The following EXOC4 variants were observed in gnomAD, a reference collection of about 807,000 sequenced individuals.
EXOC4 encodes SEC8-like 1.
EXOC4 carries 71 observed loss-of-function variants against 107.2 expected under a neutral mutation model. That is an observed-to-expected ratio of 0.66 (90% CI 0.55 to 0.81). EXOC4 has a LOEUF of 0.81. Among genes scored for constraint, EXOC4 ranks in the 30% least tolerant of loss-of-function variants. The pLI, the probability that EXOC4 is intolerant of heterozygous loss-of-function variation, is 0.00. For missense variants in EXOC4, 1,108 were observed against 1,189.6 expected, an observed-to-expected ratio of 0.93 and a Z score of 1.01; for synonymous variants, 456 against 441.2, an observed-to-expected ratio of 1.03 and a Z score of -0.42.
At chr7:133,483,591 T>C (rs928208836) in intron 9 of EXOC4, among the ~76,000 whole-genome samples, 10 of 152,200 alleles carry the variant, frequency 6.6e-5, no homozygotes, top group Admixed American at 6.5e-5. Flanking sequence ...GGAATATTTC[T>C]GGTTACAACA....
intron 10 of EXOC4, among the ~76,000 whole-genome samples, chr7:133,663,670 T>A (rs1793748420): frequency 6.6e-6 from 1 of 152,126 alleles, no homozygotes. Flanking sequence ...CCCATCAGCA[T>A]GTCCTGTTGG....
At chr7:133,793,349 A>G (rs148089529) in intron 10 of EXOC4, among the ~76,000 whole-genome samples, 6 of 152,106 alleles carry the variant, frequency 3.9e-5, no homozygotes, top group South Asian at 2.1e-4. Flanking sequence ...TGGACTGTGG[A>G]CTAACACTTG....
chr7:133,483,206 T>G (rs1037503459), intron 9 of EXOC4, among the ~76,000 whole-genome samples: 1 of 152,122 alleles, frequency 6.6e-6, no homozygotes, highest in Non-Finnish European at 1.5e-5. Flanking sequence ...ATGAGGACAG[T>G]TAGGATCTAA....
intron 9 of EXOC4, among the ~76,000 whole-genome samples, chr7:133,520,397 C>T (rs1298544306): frequency 6.6e-6 from 1 of 151,966 alleles, no homozygotes; most frequent in Non-Finnish European, 1.5e-5. Flanking sequence ...TTGTAAATGT[C>T]TGAGTATGAA....
chr7:133,652,726 C>T (rs1016084458), intron 10 of EXOC4, among the ~76,000 whole-genome samples: 4 of 152,156 alleles, frequency 2.6e-5, no homozygotes, highest in African/African-American at 7.2e-5. Flanking sequence ...TTTCCGCCTC[C>T]GAGCAAGCAG....
chr7:133,516,508 G>A (rs1035369765), intron 9 of EXOC4, among the ~76,000 whole-genome samples: 8 of 152,080 alleles, frequency 5.3e-5, no homozygotes, highest in Admixed American at 2.0e-4. Context: ...GCATGTTGTA[G>A]CATTGGTCTC....
intron 14 of EXOC4, among the ~76,000 whole-genome samples, chr7:133,961,637 G>A (rs1800948125): frequency 6.6e-6 from 1 of 152,170 alleles, no homozygotes; most frequent in Admixed American, 6.5e-5. Flanking sequence ...ATAAATGGAT[G>A]TTGTTTTAAG....
intron 7 of EXOC4, among the ~76,000 whole-genome samples, chr7:133,380,887 T>A (rs764834115): frequency 6.6e-6 from 1 of 152,228 alleles, no homozygotes; most frequent in Non-Finnish European, 1.5e-5. Flanking sequence ...TTTTATTTCA[T>A]GTATTTTGTT....
At chr7:133,525,756 A>G (rs1368197399) in intron 9 of EXOC4, among the ~76,000 whole-genome samples, 1 of 152,146 alleles carries the variant, frequency 6.6e-6, no homozygotes, top group Admixed American at 6.5e-5. Flanking sequence ...TATAGTATGA[A>G]AGTATTTGTT....
At chr7:133,721,346 G>T (rs2151106652) in intron 10 of EXOC4, among the ~76,000 whole-genome samples, 1 of 152,170 alleles carries the variant, frequency 6.6e-6, no homozygotes, top group South Asian at 2.1e-4. Context: ...AGTATCCTTA[G>T]GGAAAGAGCT....
chr7:133,533,487 G>T (rs1800218695), intron 9 of EXOC4, among the ~76,000 whole-genome samples: 1 of 152,090 alleles, frequency 6.6e-6, no homozygotes, highest in African/African-American at 2.4e-5. Flanking sequence ...TGTCAACAAT[G>T]AGAATCTGGC....
chr7:133,944,619 T>C (rs1020173038), intron 14 of EXOC4, among the ~76,000 whole-genome samples: 1 of 152,216 alleles, frequency 6.6e-6, no homozygotes, highest in African/African-American at 2.4e-5. Context: ...TACAAATTGC[T>C]TATCTTTCTA....
At chr7:133,662,856 ACT>A (rs1396450118) in intron 10 of EXOC4, among the ~76,000 whole-genome samples, 3 of 152,080 alleles carry the variant, frequency 2.0e-5, no homozygotes, top group Non-Finnish European at 4.4e-5. Flanking sequence ...GTGTTAGTGG[ACT>A]CTCTTGAAAG....
At chr7:133,604,520 C>T (rs1801883147) in intron 9 of EXOC4, among the ~76,000 whole-genome samples, 3 of 151,546 alleles carry the variant, frequency 2.0e-5, no homozygotes, top group African/African-American at 4.8e-5. Flanking sequence ...GTTACAGGAC[C>T]ATCATGGTAT....
intron 1 of EXOC4, among the ~76,000 whole-genome samples, chr7:133,270,777 G>A (rs1017522651): frequency 3.9e-5 from 6 of 152,188 alleles, no homozygotes; most frequent in African/African-American, 1.4e-4. Context: ...CTGGTGGGGT[G>A]AGCTCAATGA....
At chr7:133,947,747 A>G (rs1800589370) in intron 14 of EXOC4, among the ~76,000 whole-genome samples, 1 of 152,228 alleles carries the variant, frequency 6.6e-6, no homozygotes, top group Non-Finnish European at 1.5e-5. Context: ...GTACTTGCCC[A>G]TAAAAAATTA....
intron 5 of EXOC4, among the ~76,000 whole-genome samples, chr7:133,356,066 G>A (rs1254253461): frequency 6.6e-6 from 1 of 152,162 alleles, no homozygotes; most frequent in Non-Finnish European, 1.5e-5. Context: ...AGAAGTAGTA[G>A]TCTGTGGAAA....
At chr7:133,473,567 G>T (rs1352709098) in intron 7 of EXOC4, among the ~76,000 whole-genome samples, 1 of 151,972 alleles carries the variant, frequency 6.6e-6, no homozygotes, top group Non-Finnish European at 1.5e-5. Context: ...AGTCTATTTT[G>T]TCTGGTATTG....
chr7:133,815,382 A>C (rs1231803311), intron 10 of EXOC4, among the ~76,000 whole-genome samples: 2 of 151,910 alleles, frequency 1.3e-5, no homozygotes, highest in East Asian at 1.9e-4. Context: ...CAAAAAAAAA[A>C]AAAAAAAGAC....
Sources: allele counts gnomAD v4.1 joint callset (sites outside exome capture counted in the v4.1 genomes callset), GRCh38; gene constraint gnomAD v4.1.1; transcripts MANE v1.5; gene names NCBI Gene and HGNC (gene_info 2026-07-23, HGNC 2026-07-21).